CCDC88C: variants seen among roughly 807,000 people sequenced by gnomAD.
CCDC88C encodes protein Daple.
CCDC88C carries 131 observed loss-of-function variants against 198.8 expected under a neutral mutation model. The ratio of observed to expected loss-of-function variants is 0.66; its 90% confidence interval spans 0.57 to 0.76. The LOEUF (loss-of-function observed/expected upper bound fraction) is 0.76, where lower values mean the gene tolerates loss of function less well. Ranked by LOEUF, CCDC88C falls within the 30% of genes least tolerant of loss-of-function variation. CCDC88C has a pLI of 0.00. For synonymous variants in CCDC88C, 1,166 were observed against 1,114.7 expected (o/e 1.05, Z -0.92); for missense variants, 2,553 against 2,631.6 (o/e 0.97, Z 0.65).
intron 4 of CCDC88C, among the ~76,000 whole-genome samples, chr14:91,357,654 A>G (rs945900954): frequency 8.5e-5 from 13 of 152,236 alleles, no homozygotes; most frequent in African/African-American, 2.9e-4. Flanking sequence ...CTCTACAGGC[A>G]TCACTCTCAT....
At chr14:91,332,835 G>A (rs907374457) in intron 10 of CCDC88C, among the ~76,000 whole-genome samples, 14 of 152,136 alleles carry the variant, frequency 9.2e-5, no homozygotes, top group African/African-American at 3.4e-4. Context: ...CAAGTGCCTT[G>A]TGTGTGCCAG....
At chr14:91,411,780 T>C (rs900583795) in intron 2 of CCDC88C, among the ~76,000 whole-genome samples, 6 of 152,032 alleles carry the variant, frequency 3.9e-5, no homozygotes, top group Admixed American at 2.0e-4. Context: ...CTGGCCAACA[T>C]GGTGAAACCC....
In CCDC88C at chr14:91,338,375, G is replaced by A. The variant is rs1893148238; in HGVS notation, c.891+114C>T. The A allele has an allele frequency of 4.9e-6, 5 of 1,030,292 alleles. No homozygotes were observed. The East Asian group carries it at 1.3e-4, about 27-fold the overall frequency. The allele number at this position is 1,030,292 out of a possible 1,614,324, so 63.8% of individuals were successfully genotyped here. On this transcript the variant is annotated intron_variant, in intron 9 of 29. Coordinates refer to ENST00000389857, the MANE Select transcript of CCDC88C (RefSeq NM_001080414.4). The surrounding 1 kb of genome is among the most constrained non-coding windows in gnomAD (Gnocchi z 4.8). ...CCCCATAGCCGTGCTCAGGACAAGT[G>A]GCTCTTGTGTGGCTTAAAAGCGCTG...
At chr14:91,394,777 G>A (rs530239879) in intron 3 of CCDC88C, among the ~76,000 whole-genome samples, 19 of 152,300 alleles carry the variant, frequency 1.2e-4, no homozygotes, top group Admixed American at 2.6e-4. Flanking sequence ...CGATCATACA[G>A]GAGAAAAACG....
chr14:91,283,837 A>G (rs1890298118), intron 25 of CCDC88C, among the ~76,000 whole-genome samples: 1 of 152,188 alleles, frequency 6.6e-6, no homozygotes, highest in Non-Finnish European at 1.5e-5. Context: ...AGTCACACAT[A>G]TTCACTCTAG....
rs945498205 is a variant in CCDC88C at position 91,381,859 on chromosome 14, G to C, written c.271-22148C>G. On this transcript the variant is annotated intron_variant, in intron 3 of 29. Coordinates refer to ENST00000389857, the MANE Select transcript of CCDC88C (RefSeq NM_001080414.4). This position sits in a 1 kb window ranked among gnomAD's most constrained non-coding sequence, Gnocchi z 4.2. ...AACAACAAAAAACCGGCCCTTTCTT[G>C]CGAGACTCAGCTCACTCCTCTCTCC... Among the ~76,000 whole-genome samples the C allele has an allele frequency of 6.6e-6, 1 of 151,906 alleles. No homozygotes were observed. Among genetic ancestry groups the C allele is most frequent in the Non-Finnish European group, 1.5e-5 (1 of 67,978 alleles).
At chr14:91,294,068 C>T (rs576896237) in intron 23 of CCDC88C, 105 bp downstream of exon 23, 72 of 1,338,394 alleles carry the variant, frequency 5.4e-5, no homozygotes, top group Middle Eastern at 2.5e-4. Context: ...AGGATCCCAA[C>T]GGGCCCAGGG....
At chr14:91,279,423 C>T (rs753134760) in intron 27 of CCDC88C, 117 bp from the exon 28 acceptor site, 34 of 815,990 alleles carry the variant, frequency 4.2e-5, no homozygotes, top group Admixed American at 1.1e-4. Flanking sequence ...AGCCCAACGC[C>T]CTCAGGAAGG....
intron 3 of CCDC88C, among the ~76,000 whole-genome samples, chr14:91,373,351 A>G (rs1185158960): frequency 1.3e-5 from 2 of 152,300 alleles, no homozygotes; most frequent in South Asian, 2.1e-4. Flanking sequence ...GCCACGGTTC[A>G]TCAGTGACAT....
chr14:91,291,670 C>T (rs138769663), intron 23 of CCDC88C, among the ~76,000 whole-genome samples: 332 of 152,258 alleles, frequency 2.2e-3, no homozygotes, highest in African/African-American at 7.7e-3. Context: ...CTGCCATCTC[C>T]GGCAGACCCT....
chr14:91,407,754 GC>G (rs1886583587), intron 3 of CCDC88C, among the ~76,000 whole-genome samples: 1 of 152,134 alleles, frequency 6.6e-6, no homozygotes, highest in Non-Finnish European at 1.5e-5. Context: ...GACTCAACTG[GC>G]CTTCCCAAGG....
At chr14:91,395,243 T>A (rs191676081) in intron 3 of CCDC88C, among the ~76,000 whole-genome samples, 11 of 152,258 alleles carry the variant, frequency 7.2e-5, no homozygotes, top group Non-Finnish European at 1.3e-4. Flanking sequence ...TGCAAGTAAC[T>A]GCCCCCTCCG....
At chr14:91,357,882 C>CAGGGGAGCAGAACCG (rs1420804095) in intron 4 of CCDC88C, among the ~76,000 whole-genome samples, 1 of 152,218 alleles carries the variant, frequency 6.6e-6, no homozygotes, top group Non-Finnish European at 1.5e-5. Flanking sequence ...GCAGAGCTGG[C>CAGGGGAGCAGAACCG]AGGGGAGCAG....
intron 21 of CCDC88C, among the ~76,000 whole-genome samples, chr14:91,299,384 C>T (rs1891170480): frequency 6.6e-6 from 1 of 152,170 alleles, no homozygotes; most frequent in African/African-American, 2.4e-5. Flanking sequence ...TGAAGAGATT[C>T]TGAAAGGGAC....
At chr14:91,397,778 C>G (rs1333689384) in intron 3 of CCDC88C, among the ~76,000 whole-genome samples, 2 of 152,216 alleles carry the variant, frequency 1.3e-5, no homozygotes, top group African/African-American at 4.8e-5. Flanking sequence ...AGCTGGGGGG[C>G]ACACCACACG....
intron 20 of CCDC88C, among the ~76,000 whole-genome samples, chr14:91,302,998 C>T (rs571791848): frequency 6.6e-6 from 1 of 152,324 alleles, no homozygotes; most frequent in African/African-American, 2.4e-5. Context: ...TTACTACTGT[C>T]TTCAGTTGCA....
At chr14:91,365,409 T>C (rs1894489749) in intron 3 of CCDC88C, among the ~76,000 whole-genome samples, 1 of 152,206 alleles carries the variant, frequency 6.6e-6, no homozygotes, top group African/African-American at 2.4e-5. Flanking sequence ...CATGACCCTG[T>C]ATGGCTCCTG....
chr14:91,324,630 A>C, intron 12 of CCDC88C, 149 bp downstream of exon 12: 2 of 1,002,326 alleles, frequency 2.0e-6, no homozygotes, highest in Non-Finnish European at 2.9e-6. Context: ...AACTGTAATG[A>C]AACAGTTCCA....
intron 24 of CCDC88C, among the ~76,000 whole-genome samples, chr14:91,289,996 C>A (rs555911484): frequency 6.6e-6 from 1 of 152,176 alleles, no homozygotes; most frequent in African/African-American, 2.4e-5. Flanking sequence ...CTGGGCCAGG[C>A]ATGGTGGCTC....
Sources: gnomAD v4.1 joint callset for allele counts (sites outside exome capture counted in the v4.1 genomes callset) on GRCh38, gnomAD v4.1.1 for gene constraint, Gnocchi (gnomAD v3.1) non-coding constraint, MANE v1.5 for transcripts, NCBI Gene and HGNC (gene_info 2026-07-23, HGNC 2026-07-21) for gene names.